RALGAPA2: variants seen among roughly 807,000 people sequenced by gnomAD.
RALGAPA2 encodes the protein Ral GTPase activating protein catalytic subunit alpha 2.
In RALGAPA2, 139 loss-of-function variants were observed where a neutral mutation model predicts 230.4. The observed-to-expected ratio is 0.60, with a 90% CI of 0.53 to 0.69. The LOEUF is 0.69. Ranked by LOEUF, RALGAPA2 falls within the 30% of genes least tolerant of loss-of-function variation. The probability of loss-of-function intolerance (pLI) is 0.00; values close to 1 mark genes in which losing one functional copy is unlikely to be tolerated. For synonymous variants in RALGAPA2, 847 were observed against 837.8 expected, an observed-to-expected ratio of 1.01 and a Z score of -0.19; for missense variants, 2,163 against 2,276.0, an observed-to-expected ratio of 0.95 and a Z score of 1.01.
At chr20:20,452,632 T>C (rs2061013259) in intron 37 of RALGAPA2, among the ~76,000 whole-genome samples, 1 of 152,192 alleles carries the variant, frequency 6.6e-6, no homozygotes, top group Non-Finnish European at 1.5e-5. Flanking sequence ...GCGTGGATGC[T>C]AATGAGCCTG....
At chr20:20,535,882 G>A in intron 25 of RALGAPA2, 79 bp from the exon 26 acceptor site, 1 of 1,475,856 alleles carries the variant, frequency 6.8e-7, no homozygotes, top group Non-Finnish European at 9.0e-7. Flanking sequence ...GTTCCAGGCA[G>A]CCAGGAGCTA....
intron 3 of RALGAPA2, among the ~76,000 whole-genome samples, chr20:20,654,228 G>T (rs970688742): frequency 7.9e-5 from 12 of 151,960 alleles, no homozygotes; most frequent in African/African-American, 2.7e-4. Flanking sequence ...TCACTCTGTC[G>T]CCCAGGCTGG....
chr20:20,482,803 A>G (rs1252344994), intron 36 of RALGAPA2, among the ~76,000 whole-genome samples: 1 of 152,198 alleles, frequency 6.6e-6, no homozygotes, highest in African/African-American at 2.4e-5. Flanking sequence ...AAAGCTCTGG[A>G]ATAGGTATGT....
intron 38 of RALGAPA2, among the ~76,000 whole-genome samples, chr20:20,397,568 C>T (rs934590857): frequency 3.9e-5 from 6 of 152,320 alleles, no homozygotes; most frequent in African/African-American, 7.2e-5. Context: ...TGTCAGTAGA[C>T]GACCATCAGA....
At position 20,421,631 on chromosome 20, in the gene RALGAPA2, T is replaced by G. The variant is rs199640987; in HGVS notation, c.5496-9483A>C. ...GTTGCAGTGAGCCAAGATCACACCATTGCATTCCAGCCTGGGCAACAAGAG... is the reference window on the plus strand; with the variant it reads ...GTTGCAGTGAGCCAAGATCACACCAGTGCATTCCAGCCTGGGCAACAAGAG... On this transcript the variant is annotated intron_variant, in intron 37 of 39. Coordinates refer to ENST00000202677, the MANE Select transcript of RALGAPA2 (RefSeq NM_020343.4). Among the ~76,000 whole-genome samples, 5 of 152,222 alleles carry G rather than the reference T, an allele frequency of 3.3e-5. No homozygotes were observed. In the East Asian group the frequency reaches 9.7e-4, roughly 29 times the overall value.
intron 33 of RALGAPA2, among the ~76,000 whole-genome samples, chr20:20,508,567 A>G (rs535139554): frequency 6.6e-6 from 1 of 152,376 alleles, no homozygotes; most frequent in African/African-American, 2.4e-5. Context: ...CTGACAATCT[A>G]GACCATAGCT....
chr20:20,635,698 A>G, intron 8 of RALGAPA2, 81 bp from the exon 9 acceptor site: 2 of 1,235,722 alleles, frequency 1.6e-6, no homozygotes, highest in Non-Finnish European at 2.2e-6. Context: ...TTGGTTTCCA[A>G]TTAAATCCAA....
chr20:20,486,082 G>A (rs1005493619), intron 36 of RALGAPA2, among the ~76,000 whole-genome samples: 10 of 152,170 alleles, frequency 6.6e-5, no homozygotes, highest in African/African-American at 2.4e-4. Flanking sequence ...CCAGGTTGCA[G>A]TGAGCCATGA....
At chr20:20,627,002 A>C (rs987866634) in intron 10 of RALGAPA2, among the ~76,000 whole-genome samples, 1 of 152,190 alleles carries the variant, frequency 6.6e-6, no homozygotes, top group Non-Finnish European at 1.5e-5. Context: ...GTTGCTATGG[A>C]CCTTTCACAT....
chr20:20,470,539 T>C (rs917890492), intron 37 of RALGAPA2, among the ~76,000 whole-genome samples: 3 of 152,070 alleles, frequency 2.0e-5, no homozygotes, highest in Non-Finnish European at 2.9e-5. Flanking sequence ...ATGCCCAGCA[T>C]GTGTAATCTC....
intron 37 of RALGAPA2, among the ~76,000 whole-genome samples, chr20:20,458,879 C>CCTATATATATAG (rs2061234727): frequency 2.2e-4 from 2 of 8,904 alleles, no homozygotes; most frequent in African/African-American, 1.0e-3. Flanking sequence ...TATATATACA[C>CCTATATATATAG]ACACACAAAT....
At chr20:20,556,852 C>T (rs1029641890) in intron 23 of RALGAPA2, among the ~76,000 whole-genome samples, 1 of 152,038 alleles carries the variant, frequency 6.6e-6, no homozygotes, top group Non-Finnish European at 1.5e-5. Flanking sequence ...TGAGGGAGGG[C>T]TGGGGTAGGA....
chr20:20,663,323 G>A (rs2067844457), intron 3 of RALGAPA2, among the ~76,000 whole-genome samples: 1 of 152,104 alleles, frequency 6.6e-6, no homozygotes, highest in African/African-American at 2.4e-5. Flanking sequence ...CTTATGCTAG[G>A]GAGATATGTT....
At chr20:20,447,290 T>C (rs1473198185) in intron 37 of RALGAPA2, among the ~76,000 whole-genome samples, 1 of 152,150 alleles carries the variant, frequency 6.6e-6, no homozygotes, top group Non-Finnish European at 1.5e-5. Context: ...TTTAAAGACT[T>C]TATCATGAAA....
intron 7 of RALGAPA2, 80 bp from the exon 8 acceptor site, chr20:20,637,581 T>C (rs557569043): frequency 7.9e-7 from 1 of 1,259,246 alleles, no homozygotes; most frequent in East Asian, 2.8e-5. Context: ...GTTGTTATGT[T>C]ACTAAAATTC....
At chr20:20,526,561 C>T (rs2063210649) in intron 27 of RALGAPA2, among the ~76,000 whole-genome samples, 199 bp from the exon 28 acceptor site, 1 of 152,052 alleles carries the variant, frequency 6.6e-6, no homozygotes, top group African/African-American at 2.4e-5. Context: ...CTTCTCTAGC[C>T]TCACTGTGTT....
rs2064321081 is a variant in RALGAPA2, at chr20:20,563,560, G to A, written c.3156+7898C>T. Among the ~76,000 whole-genome samples the A allele has an allele frequency of 2.0e-5, 3 of 152,218 alleles. 1 individual carries two copies. The Middle Eastern group carries it at 0.01, about 518-fold the overall frequency. ...CAAGAATTCTTTGGGGACACCCCTTGGTGTATCCTCGGATGCACCCATTTG... is the reference window on the plus strand; with the variant it reads ...CAAGAATTCTTTGGGGACACCCCTTAGTGTATCCTCGGATGCACCCATTTG... On this transcript the variant is annotated intron_variant, in intron 23 of 39. Coordinates refer to ENST00000202677, the MANE Select transcript of RALGAPA2 (RefSeq NM_020343.4).
chr20:20,650,642 G>C (rs2067367127), intron 4 of RALGAPA2, among the ~76,000 whole-genome samples: 1 of 152,172 alleles, frequency 6.6e-6, no homozygotes, highest in Non-Finnish European at 1.5e-5. Context: ...ACACTGGTTG[G>C]TGAGAAGGCC....
At chr20:20,492,531 T>C (rs976320008) in intron 36 of RALGAPA2, among the ~76,000 whole-genome samples, 15 of 152,134 alleles carry the variant, frequency 9.9e-5, no homozygotes, top group Admixed American at 4.6e-4. Flanking sequence ...TAAGGAGCAC[T>C]AGTTAAAAGG....
Sources: gnomAD v4.1 joint callset for allele counts (sites outside exome capture counted in the v4.1 genomes callset) on GRCh38, gnomAD v4.1.1 for gene constraint, MANE v1.5 for transcripts, NCBI Gene and HGNC (gene_info 2026-07-23, HGNC 2026-07-21) for gene names.